Variants in TNKS observed in about 807,000 individuals in gnomAD.
TNKS encodes poly [ADP-ribose] polymerase tankyrase-1.
A neutral mutation model predicts 135.8 loss-of-function variants in TNKS; 72 were observed. That is an observed-to-expected ratio of 0.53 (90% CI 0.44 to 0.64). TNKS has a LOEUF of 0.64. Among genes scored for constraint, TNKS ranks in the 30% least tolerant of loss-of-function variants. TNKS has a pLI of 0.00. For synonymous variants in TNKS, 849 were observed against 649.3 expected (o/e 1.31, Z -4.68); for missense variants, 1,769 against 1,674.0 (o/e 1.06, Z -0.99).
intron 12 of TNKS, among the ~76,000 whole-genome samples, chr8:9,724,533 G>A (rs1805065304): frequency 6.6e-6 from 1 of 152,090 alleles, no homozygotes; most frequent in Admixed American, 6.5e-5. Context: ...TTTCACTCAT[G>A]TTCCTTTTTT....
intron 20 of TNKS, among the ~76,000 whole-genome samples, chr8:9,755,338 G>A (rs970192838): frequency 1.3e-5 from 2 of 151,970 alleles, no homozygotes; most frequent in African/African-American, 4.8e-5. Context: ...TGAGTAAATG[G>A]TTCCATTGGT....
intron 1 of TNKS, among the ~76,000 whole-genome samples, chr8:9,567,544 T>C (rs1025495432): frequency 6.6e-6 from 1 of 152,068 alleles, no homozygotes; most frequent in African/African-American, 2.4e-5. Flanking sequence ...GCCTCCCGAG[T>C]AGCTGGGACT....
At chr8:9,568,018 C>T (rs982512162) in intron 1 of TNKS, among the ~76,000 whole-genome samples, 4 of 152,062 alleles carry the variant, frequency 2.6e-5, no homozygotes, top group African/African-American at 9.7e-5. Flanking sequence ...ATTACTAACA[C>T]GAAATATGGA....
intron 3 of TNKS, among the ~76,000 whole-genome samples, chr8:9,634,665 A>G (rs531731618): frequency 1.3e-5 from 2 of 152,228 alleles, no homozygotes; most frequent in Non-Finnish European, 2.9e-5. Context: ...AGTTGTAGGC[A>G]TCAGAATCAC....
rs1431802049 is a variant in TNKS, at chr8:9,556,409, C to T, written c.470C>T (p.Ala157Val). ...GSSLAESPEA[A>V]GVSSTAPLGP... is the part of the protein sequence containing the mutation. ...AGCTTGGCGGAGAGCCCCGAGGCGG[C>T]CGGAGTTAGCAGCACAGCACCACTG... Residue 157 changes from alanine (A) to valine (V), a missense_variant, in exon 1 of 27, where the codon GCC becomes GTC. By Grantham distance (64) the Ala-to-Val change is moderately conservative. Transcript: ENST00000310430. The T allele has an allele frequency of 1.2e-6, 2 of 1,614,096 alleles. No homozygotes were observed. Among genetic ancestry groups the T allele is most frequent in the Non-Finnish European group, 1.7e-6 (2 of 1,180,048 alleles).
At chr8:9,588,870 T>A (rs1028512574) in intron 2 of TNKS, among the ~76,000 whole-genome samples, 1 of 152,160 alleles carries the variant, frequency 6.6e-6, no homozygotes, top group East Asian at 1.9e-4. Flanking sequence ...AAAAGTGATA[T>A]TGAAACCCCA....
At chr8:9,693,430 T>C (rs1803370731) in intron 5 of TNKS, among the ~76,000 whole-genome samples, 1 of 152,190 alleles carries the variant, frequency 6.6e-6, no homozygotes, top group Admixed American at 6.5e-5. Context: ...AAATAGTGAT[T>C]ACATTTGGGA....
chr8:9,657,428 G>T (rs1801440482), intron 3 of TNKS, among the ~76,000 whole-genome samples: 1 of 95,706 alleles, frequency 1.0e-5, no homozygotes, highest in Non-Finnish European at 2.3e-5. Flanking sequence ...GCGGAGGGCT[G>T]ACCCCCCCAC....
chr8:9,626,922 T>A (rs36036709), intron 3 of TNKS, among the ~76,000 whole-genome samples: 13,221 of 152,282 alleles, frequency 0.087, 613 homozygotes, highest in South Asian at 0.17. Flanking sequence ...TGTCTTTTTG[T>A]ATGCTAATGA....
chr8:9,771,280 C>G (rs1394031391), intron 26 of TNKS, among the ~76,000 whole-genome samples: 2 of 78,770 alleles, frequency 2.5e-5, no homozygotes, highest in African/African-American at 1.0e-4. Context: ...GAAGAGAGAG[C>G]GAGGAAGGGA....
At chr8:9,658,032 C>G (rs1801499268) in intron 3 of TNKS, among the ~76,000 whole-genome samples, 1 of 80,258 alleles carries the variant, frequency 1.2e-5, no homozygotes, top group African/African-American at 5.0e-5. Context: ...CTCCCCACAT[C>G]TCAGACGATG....
Position 9,735,492 on chromosome 8 carries a change from C to T in TNKS, c.2643+6C>T. 1 of 1,608,692 alleles carries T rather than the reference C, an allele frequency of 6.2e-7. No homozygotes were observed. The highest frequency in any genetic ancestry group is 8.5e-7 in the Non-Finnish European group (1 of 1,175,146). On this transcript the variant is annotated splice_donor_region_variant and intron_variant, in intron 17 of 26. Coordinates refer to ENST00000310430, the MANE Select transcript of TNKS (RefSeq NM_003747.3). The stretch of plus-strand genomic sequence containing the variant: ...ATAATGCGGCATCTTATGGGGTAAG[C>T]ATACTAACATTAAAATCTAGAAAAC...
chr8:9,742,482 G>T (rs1468702093), intron 17 of TNKS, among the ~76,000 whole-genome samples: 7 of 151,494 alleles, frequency 4.6e-5, no homozygotes, highest in Admixed American at 4.6e-4. Context: ...TTTATTTTAT[G>T]CCACTTGTAA....
At chr8:9,768,574 T>TCTGCAG (rs1018305843) in intron 25 of TNKS, among the ~76,000 whole-genome samples, 7 of 152,232 alleles carry the variant, frequency 4.6e-5, no homozygotes, top group Non-Finnish European at 8.8e-5. Context: ...TACTTGCCCA[T>TCTGCAG]CTGCAGCTGC....
chr8:9,597,246 T>C (rs1225572631), intron 2 of TNKS, among the ~76,000 whole-genome samples: 1 of 152,234 alleles, frequency 6.6e-6, no homozygotes, highest in African/African-American at 2.4e-5. Context: ...GGAAGTTAAA[T>C]GAAAGAATAT....
chr8:9,559,717 T>C lies in TNKS; in HGVS notation c.673+3105T>C, dbSNP rs547899167. Reference sequence around the variant, plus strand: ...GAGAACATGTGGTATTTGGAAATCATTTTTAAAGATCTCAGATGTGGTATG... The same window carrying C: ...GAGAACATGTGGTATTTGGAAATCACTTTTAAAGATCTCAGATGTGGTATG... On this transcript the variant is annotated intron_variant, in intron 1 of 26. Transcript: ENST00000310430. 1.8e-3 allele frequency among the ~76,000 whole-genome samples: 273 copies of C among 152,286 alleles called. 1 individual carries two copies. The highest frequency in any genetic ancestry group is 6.4e-3 in the African/African-American group (266 of 41,554).
intron 3 of TNKS, among the ~76,000 whole-genome samples, chr8:9,644,662 A>T (rs575716274): frequency 6.6e-6 from 1 of 152,246 alleles, no homozygotes; most frequent in African/African-American, 2.4e-5. Flanking sequence ...CCACCATTCA[A>T]CCCACAACAG....
At chr8:9,755,958 T>TTGA in intron 20 of TNKS, among the ~76,000 whole-genome samples, 1 of 152,240 alleles carries the variant, frequency 6.6e-6, no homozygotes, top group East Asian at 1.9e-4. Flanking sequence ...AATAATATAG[T>TTGA]ATCCTTTCTA....
intron 5 of TNKS, among the ~76,000 whole-genome samples, chr8:9,698,162 A>G (rs533776574): frequency 2.6e-5 from 4 of 152,286 alleles, no homozygotes; most frequent in South Asian, 2.1e-4. Flanking sequence ...AGAAAACTAC[A>G]TATCACATGT....
Sources: allele counts gnomAD v4.1 joint callset (sites outside exome capture counted in the v4.1 genomes callset), GRCh38; gene constraint gnomAD v4.1.1; transcripts MANE v1.5; gene names NCBI Gene and HGNC (gene_info 2026-07-23, HGNC 2026-07-21).